The following PDCD2L variants were observed in gnomAD, a reference collection of about 807,000 sequenced individuals.
PDCD2L encodes the protein programmed cell death 2 like.
PDCD2L carries 44 observed loss-of-function variants against 40.4 expected under a neutral mutation model. The observed-to-expected ratio is 1.09, with a 90% CI of 0.86 to 1.40. The LOEUF is 1.40. Ranked by LOEUF, PDCD2L falls within the 40% of genes most tolerant of loss-of-function variation. PDCD2L has a pLI of 0.00. For missense variants in PDCD2L, 470 were observed against 453.7 expected (o/e 1.04, Z -0.33); for synonymous variants, 194 against 174.6 (o/e 1.11, Z -0.88).
intron 4 of PDCD2L, among the ~76,000 whole-genome samples, chr19:34,409,755 C>T (rs931508208): frequency 3.9e-5 from 6 of 152,132 alleles, no homozygotes; most frequent in Non-Finnish European, 5.9e-5. Flanking sequence ...TTATAGAAGA[C>T]GCGTTCACTG....
At chr19:34,419,277 C>T (rs2075138556) in intron 5 of PDCD2L, among the ~76,000 whole-genome samples, 2 of 152,068 alleles carry the variant, frequency 1.3e-5, no homozygotes, top group African/African-American at 4.8e-5. Flanking sequence ...TCTCCTGCCT[C>T]AGCCTCCTGA....
chr19:34,405,772 G>A (rs771452885), intron 3 of PDCD2L, among the ~76,000 whole-genome samples: 12 of 152,108 alleles, frequency 7.9e-5, no homozygotes, highest in Non-Finnish European at 1.3e-4. Flanking sequence ...CGGGCATGGT[G>A]GCAGACACCT....
intron 5 of PDCD2L, among the ~76,000 whole-genome samples, chr19:34,414,838 G>A (rs1459643903): frequency 6.6e-6 from 1 of 151,270 alleles, no homozygotes; most frequent in African/African-American, 2.4e-5. Context: ...GAGGGTCTCA[G>A]TCTGTTGTCC....
At chr19:34,425,049 C>T (rs2075170290) in intron 6 of PDCD2L, among the ~76,000 whole-genome samples, 1 of 152,076 alleles carries the variant, frequency 6.6e-6, no homozygotes, top group Non-Finnish European at 1.5e-5. Context: ...CTGTGCCCAG[C>T]CAATGCATAC....
Position 34,420,087 on chromosome 19 carries a change from C to T in PDCD2L, c.798-1432C>T, listed in dbSNP as rs1050839478. ...GCAACCTCTGCCTCCCAGGTTTAAG[C>T]GATTCTGCAGCCGCGGCCTCAGCCT... On this transcript the variant is annotated intron_variant, in intron 5 of 6. Transcript: ENST00000246535. Among the ~76,000 whole-genome samples the T allele has an allele frequency of 9.2e-5, 14 of 152,104 alleles. No individual in the cohort carries two copies. In the South Asian group the frequency reaches 1.2e-3, roughly 14 times the overall value.
rs2075151099 is a variant in PDCD2L at position 34,421,540 on chromosome 19, ACT to A, written c.822_823del (p.Leu276AspfsTer23). The A allele has an allele frequency of 6.2e-7, 1 of 1,613,662 alleles. No homozygotes were observed. The highest frequency in any genetic ancestry group is 8.5e-7 in the Non-Finnish European group (1 of 1,179,954). Reference sequence around the variant, plus strand: ...CTAGGTATTCCTGGAGTGGAGAGCCACTCTTTTTGACCTGCCCTACATCAGAA... The same window carrying A: ...CTAGGTATTCCTGGAGTGGAGAGCCACTTTTTGACCTGCCCTACATCAGAA... ...ILRYSWSGEP[L>X]FLTCPTSEVT... On this transcript the variant is annotated frameshift_variant, in exon 6 of 7. Coordinates refer to ENST00000246535, the MANE Select transcript of PDCD2L (RefSeq NM_032346.2). LOFTEE classifies it high-confidence loss of function.
At chr19:34,410,033 C>T (rs755334402) in intron 4 of PDCD2L, among the ~76,000 whole-genome samples, 3 of 151,980 alleles carry the variant, frequency 2.0e-5, no homozygotes, top group Admixed American at 6.6e-5. Flanking sequence ...GAGAGTTAAG[C>T]GAGAGGGTAG....
At chr19:34,419,030 C>T (rs1447165800) in intron 5 of PDCD2L, among the ~76,000 whole-genome samples, 2 of 152,174 alleles carry the variant, frequency 1.3e-5, no homozygotes, top group Non-Finnish European at 2.9e-5. Context: ...TTTTTTTTAG[C>T]ACTCAAACAG....
Position 34,409,362 on chromosome 19 carries a change from C to G in PDCD2L, c.538C>G (p.Pro180Ala). Reference sequence around the variant, plus strand: ...CCTGGGTGCTGCCCATCCTGTGCCTCCTGGGCTGCCGCTCTTCCTGCCCTA... The same window carrying G: ...CCTGGGTGCTGCCCATCCTGTGCCTGCTGGGCTGCCGCTCTTCCTGCCCTA... ...AVLGAAHPVP[P>A]GLPLFLPYYI... The change falls in exon 4 of 7, where the codon CCT becomes GCT. Residue 180 changes from proline (P) to alanine (A), a missense_variant. Coordinates refer to ENST00000246535, the MANE Select transcript of PDCD2L (RefSeq NM_032346.2). 6.2e-7 allele frequency: 1 copy of G among 1,614,202 alleles called. No individual in the cohort carries two copies. The highest frequency in any genetic ancestry group is 2.2e-5 in the East Asian group (1 of 44,886).
chr19:34,419,227 T>A (rs2075138370), intron 5 of PDCD2L, among the ~76,000 whole-genome samples: 1 of 152,018 alleles, frequency 6.6e-6, no homozygotes. Context: ...AGTGGCACGA[T>A]CTTGGCTCAC....
chr19:34,426,028 T>C lies in PDCD2L; in HGVS notation c.985T>C (p.Cys329Arg). 6.2e-7 allele frequency: 1 copy of C among 1,613,540 alleles called. No homozygotes were observed. ...ATTTGGAACAATTCTAGTTTACACA[T>C]GTGAGAAGAGTTGCTGGCCCCCAAA... ...VEFGTILVYT[C>R]EKSCWPPNHQ... The change falls in exon 7 of 7, where the codon TGT becomes CGT. Residue 329 changes from cysteine (C) to arginine (R), a missense_variant. By Grantham distance (180) the Cys-to-Arg change is radical (BLOSUM62 -3). Transcript: ENST00000246535.
At chr19:34,406,568 T>A (rs1014572329) in intron 3 of PDCD2L, among the ~76,000 whole-genome samples, 1 of 151,508 alleles carries the variant, frequency 6.6e-6, no homozygotes, top group African/African-American at 2.4e-5. Context: ...TTTTTTTAAA[T>A]TTTTAGTAGA....
rs780265324 is a variant in PDCD2L at position 34,409,342 on chromosome 19, G to A, written c.518G>A (p.Gly173Asp). ...QDLRLQDAVL[G>D]AAHPVPPGLP... is the part of the protein sequence containing the mutation. ...CTCCGCCTGCAGGATGCTGTCCTGG[G>A]TGCTGCCCATCCTGTGCCTCCTGGG... Residue 173 changes from glycine to aspartate, a missense_variant, in exon 4 of 7, where the codon GGT (glycine) becomes GAT (aspartate). Coordinates refer to ENST00000246535, the MANE Select transcript of PDCD2L (RefSeq NM_032346.2). 5 of 1,613,878 alleles carry A rather than the reference G, an allele frequency of 3.1e-6. No individual in the cohort carries two copies. The highest frequency in any genetic ancestry group is 1.7e-5 in the Admixed American group (1 of 59,988).
intron 4 of PDCD2L, among the ~76,000 whole-genome samples, chr19:34,411,964 A>ATG (rs1491586767): frequency 0.071 from 1,064 of 14,942 alleles, 13 homozygotes; most frequent in Non-Finnish European, 0.42. Flanking sequence ...TGAAAAATAC[A>ATG]TATATATATA....
intron 5 of PDCD2L, among the ~76,000 whole-genome samples, chr19:34,417,244 A>C (rs1000118141): frequency 6.6e-6 from 1 of 152,258 alleles, no homozygotes; most frequent in East Asian, 1.9e-4. Flanking sequence ...TAAAGTAACT[A>C]TGTATGAATC....
intron 5 of PDCD2L, among the ~76,000 whole-genome samples, chr19:34,417,190 C>G (rs1010044631): frequency 3.9e-5 from 6 of 152,082 alleles, no homozygotes; most frequent in Admixed American, 3.9e-4. Flanking sequence ...ATAAGAACTT[C>G]ATAAGAATGG....
intron 5 of PDCD2L, among the ~76,000 whole-genome samples, chr19:34,418,298 T>C (rs1427903268): frequency 6.6e-6 from 1 of 152,220 alleles, no homozygotes; most frequent in Admixed American, 6.5e-5. Flanking sequence ...CCCTGTCCTG[T>C]GCTGCTCCCC....
chr19:34,405,895 G>A (rs963701745), intron 3 of PDCD2L, among the ~76,000 whole-genome samples: 2 of 151,480 alleles, frequency 1.3e-5, no homozygotes, highest in African/African-American at 2.4e-5. Flanking sequence ...GACAGACTCC[G>A]TAAAAACAAA....
intron 5 of PDCD2L, among the ~76,000 whole-genome samples, chr19:34,417,261 T>G (rs2075130402): frequency 6.6e-6 from 1 of 152,078 alleles, no homozygotes; most frequent in South Asian, 2.1e-4. Context: ...AATCGGAAAT[T>G]GAATTGCTAA....
Sources: gnomAD v4.1 joint callset for allele counts (sites outside exome capture counted in the v4.1 genomes callset) on GRCh38, gnomAD v4.1.1 for gene constraint, MANE v1.5 for transcripts, NCBI Gene and HGNC (gene_info 2026-07-23, HGNC 2026-07-21) for gene names.